The following PALM2AKAP2 variants were observed in gnomAD, a reference collection of about 807,000 sequenced individuals.
The protein encoded by PALM2AKAP2 is PALM2-AKAP2 fusion protein.
In PALM2AKAP2, 37 loss-of-function variants were observed where a neutral mutation model predicts 71.5. The observed-to-expected ratio is 0.52, with a 90% CI of 0.40 to 0.68. PALM2AKAP2 has a LOEUF of 0.68. Among genes scored for constraint, PALM2AKAP2 ranks in the 30% least tolerant of loss-of-function variants. PALM2AKAP2 has a pLI of 0.00. For missense variants in PALM2AKAP2, 1,224 were observed against 1,191.8 expected (o/e 1.03, Z -0.40); for synonymous variants, 468 against 478.8 (o/e 0.98, Z 0.29).
At chr9:109,999,892 C>A (rs938784828) in intron 6 of PALM2AKAP2, among the ~76,000 whole-genome samples, 28 of 151,390 alleles carry the variant, frequency 1.8e-4, no homozygotes, top group Non-Finnish European at 4.4e-5. Context: ...CCAGGATCCC[C>A]TGTGTACTTA....
At chr9:109,885,459 A>C (rs1288589581) in intron 3 of PALM2AKAP2, among the ~76,000 whole-genome samples, 1 of 152,220 alleles carries the variant, frequency 6.6e-6, no homozygotes, top group Non-Finnish European at 1.5e-5. Context: ...TGTTTTTTAA[A>C]AGGGTGTTCC....
At chr9:110,154,354 C>T (rs537620324) in intron 2 of PALM2AKAP2, among the ~76,000 whole-genome samples, 41 of 152,264 alleles carry the variant, frequency 2.7e-4, no homozygotes, top group South Asian at 1.7e-3. Flanking sequence ...AGAGCTTACA[C>T]GCTCACCACT....
chr9:110,118,508 A>T (rs1481942542), intron 1 of PALM2AKAP2, among the ~76,000 whole-genome samples: 1 of 152,078 alleles, frequency 6.6e-6, no homozygotes, highest in Non-Finnish European at 1.5e-5. Flanking sequence ...TCGGCCTCCC[A>T]AAGTGCTGGG....
At position 110,069,183 on chromosome 9, in the gene PALM2AKAP2, C is replaced by T. The variant is rs568790498; in HGVS notation, c.156+20328C>T. Among the ~76,000 whole-genome samples the T allele has an allele frequency of 9.8e-5, 15 of 152,308 alleles. No homozygotes were observed. The East Asian group carries it at 2.9e-3, about 29-fold the overall frequency. On this transcript the variant is annotated intron_variant, in intron 1 of 3. Coordinates refer to ENST00000374525, the Ensembl canonical transcript of PALM2AKAP2. Reference sequence around the variant, plus strand: ...CCTGTCAAAACCTTGGTTTTGTAAACTGCAAAATAGGACCAGTAATACCTA... The same window carrying T: ...CCTGTCAAAACCTTGGTTTTGTAAATTGCAAAATAGGACCAGTAATACCTA...
At chr9:109,815,423 G>A (rs1827828622) in intron 1 of PALM2AKAP2, among the ~76,000 whole-genome samples, 1 of 152,178 alleles carries the variant, frequency 6.6e-6, no homozygotes, top group African/African-American at 2.4e-5. Flanking sequence ...AGTAACTTTA[G>A]CCATGGATGT....
chr9:109,734,642 C>T (rs543682008), intron 1 of PALM2AKAP2, among the ~76,000 whole-genome samples: 168 of 152,284 alleles, frequency 1.1e-3, no homozygotes, highest in African/African-American at 3.9e-3. Context: ...AGGAGAGTCT[C>T]ATCAAACAGA....
At chr9:110,142,558 A>G (rs1836060455) in intron 2 of PALM2AKAP2, among the ~76,000 whole-genome samples, 1 of 152,248 alleles carries the variant, frequency 6.6e-6, no homozygotes, top group South Asian at 2.1e-4. Context: ...AGAGAAGCAC[A>G]GAGACCTGTA....
chr9:109,760,088 A>T (rs1309509595), intron 1 of PALM2AKAP2, among the ~76,000 whole-genome samples: 1 of 152,142 alleles, frequency 6.6e-6, no homozygotes, highest in East Asian at 1.9e-4. Flanking sequence ...TTGATCACTG[A>T]TTCGATTTTT....
At chr9:110,088,374 G>A (rs966466619) in intron 1 of PALM2AKAP2, among the ~76,000 whole-genome samples, 1 of 152,216 alleles carries the variant, frequency 6.6e-6, no homozygotes, top group Admixed American at 6.5e-5. Flanking sequence ...CTGCAGTGAA[G>A]TTACAAAGTT....
At chr9:109,868,696 T>G (rs1196053302) in intron 2 of PALM2AKAP2, among the ~76,000 whole-genome samples, 2 of 152,206 alleles carry the variant, frequency 1.3e-5, no homozygotes, top group Non-Finnish European at 2.9e-5. Context: ...GTTTATCAGT[T>G]TTTGCCATTT....
intron 6 of PALM2AKAP2, among the ~76,000 whole-genome samples, chr9:110,011,014 A>AAAAAAAAAAAAAT (rs35212981): frequency 1.4e-5 from 1 of 69,588 alleles, no homozygotes; most frequent in African/African-American, 7.8e-5. Context: ...AAAAAAAAAA[A>AAAAAAAAAAAAAT]ATATATATAT....
At chr9:109,878,221 C>T (rs1829760903) in intron 2 of PALM2AKAP2, among the ~76,000 whole-genome samples, 1 of 152,154 alleles carries the variant, frequency 6.6e-6, no homozygotes, top group East Asian at 1.9e-4. Flanking sequence ...ATACGATGCC[C>T]TATAATGTAA....
intron 1 of PALM2AKAP2, among the ~76,000 whole-genome samples, chr9:109,854,759 G>GTA (rs1829110889): frequency 1.1e-5 from 1 of 88,758 alleles, no homozygotes. Context: ...TTAAAAGAAT[G>GTA]TATCTTTTTT....
At chr9:109,840,265 A>G (rs190458679) in intron 1 of PALM2AKAP2, among the ~76,000 whole-genome samples, 2,151 of 152,330 alleles carry the variant, frequency 0.014, 41 homozygotes, top group African/African-American at 0.049. Context: ...AGAAATGGGG[A>G]AAGGATTCCC....
chr9:109,646,705 C>T (rs909811798), intron 1 of PALM2AKAP2, among the ~76,000 whole-genome samples: 1 of 152,166 alleles, frequency 6.6e-6, no homozygotes, highest in Admixed American at 6.5e-5. Context: ...ATGTATGAAG[C>T]ACTGTGATAG....
At chr9:109,917,510 A>G (rs1259020631) in intron 3 of PALM2AKAP2, among the ~76,000 whole-genome samples, 4 of 126,118 alleles carry the variant, frequency 3.2e-5, no homozygotes, top group African/African-American at 1.2e-4. Flanking sequence ...TTTTTTTGAG[A>G]CAGGGTCTCA....
intron 1 of PALM2AKAP2, among the ~76,000 whole-genome samples, chr9:109,747,130 T>C (rs895160854): frequency 6.6e-6 from 1 of 152,192 alleles, no homozygotes; most frequent in Non-Finnish European, 1.5e-5. Flanking sequence ...CCAATATTTC[T>C]ATGGTTTTAT....
intron 1 of PALM2AKAP2, among the ~76,000 whole-genome samples, chr9:110,104,351 G>A (rs775351116): frequency 1.3e-5 from 2 of 152,078 alleles, no homozygotes; most frequent in African/African-American, 2.4e-5. Flanking sequence ...AGCACAAATC[G>A]TACCTTACTG....
At chr9:109,996,872 A>T (rs1564251246) in intron 6 of PALM2AKAP2, among the ~76,000 whole-genome samples, 1 of 152,198 alleles carries the variant, frequency 6.6e-6, no homozygotes, top group Non-Finnish European at 1.5e-5. Flanking sequence ...CTAAGAGTGC[A>T]TGTGTGTGTG....
Sources: gnomAD v4.1 joint callset for allele counts (sites outside exome capture counted in the v4.1 genomes callset) on GRCh38, gnomAD v4.1.1 for gene constraint, MANE v1.5 for transcripts, NCBI Gene and HGNC (gene_info 2026-07-23, HGNC 2026-07-21) for gene names.